Variants in C12orf50 observed in about 807,000 individuals in gnomAD.
C12orf50 encodes the protein zinc finger CCCH-type containing 11D.
Under a neutral mutation model 61.6 loss-of-function variants are expected in C12orf50, and 35 were observed. The observed-to-expected ratio is 0.57, with a 90% CI of 0.43 to 0.75. The LOEUF (loss-of-function observed/expected upper bound fraction) is 0.75. Ranked by LOEUF, C12orf50 falls within the 30% of genes least tolerant of loss-of-function variation. C12orf50 has a pLI of 0.00. For missense variants in C12orf50, 475 were observed against 488.5 expected, an observed-to-expected ratio of 0.97 and a Z score of 0.26; for synonymous variants, 178 against 161.5, an observed-to-expected ratio of 1.10 and a Z score of -0.77.
chr12:87,997,150 CA>C (rs150236879), intron 4 of C12orf50, among the ~76,000 whole-genome samples: 11,091 of 152,112 alleles, frequency 0.073, 1,312 homozygotes, highest in African/African-American at 0.25. Context: ...AACTAAAATG[CA>C]AAAGACATGG....
chr12:88,027,107 T>C, intron 1 of C12orf50, 37 bp from the exon 2 acceptor site: 1 of 1,554,790 alleles, frequency 6.4e-7, no homozygotes, highest in Non-Finnish European at 8.6e-7. Context: ...AAGCTCAATA[T>C]GTTGACATTA....
Position 87,985,908 on chromosome 12 carries a change from C to G in C12orf50, c.1068G>C (p.Thr356=). The change falls in exon 11 of 13, where the codon ACG becomes ACC. Residue 356 remains threonine (T), a synonymous_variant. Coordinates refer to ENST00000298699, the MANE Select transcript of C12orf50 (RefSeq NM_152589.3). Reference sequence around the variant, plus strand: ...CATGGACTTTATTGTAGGACCCATGCGTGGGCCTGCTGCGGGAAGGTGCAT... The same window carrying G: ...CATGGACTTTATTGTAGGACCCATGGGTGGGCCTGCTGCGGGAAGGTGCAT... ...ALNAPSRSRP[T]HGSYNKVHAN... is the part of the protein sequence containing the mutation. 6.2e-7 allele frequency: 1 copy of G among 1,613,718 alleles called. No individual in the cohort carries two copies.
At chr12:87,996,236 A>G (rs891284263) in intron 6 of C12orf50, 138 bp downstream of exon 6, 2 of 668,664 alleles carry the variant, frequency 3.0e-6, no homozygotes, top group South Asian at 1.9e-5. Context: ...GTCATCCAAT[A>G]CAAACACTTT....
At chr12:87,993,787 CA>C (rs1188602361) in intron 7 of C12orf50, among the ~76,000 whole-genome samples, 1 of 152,172 alleles carries the variant, frequency 6.6e-6, no homozygotes, top group Non-Finnish European at 1.5e-5. Flanking sequence ...AATTTTCAGT[CA>C]AAGGACAGAT....
At chr12:87,995,054 AT>A (rs1477787331) in intron 6 of C12orf50, among the ~76,000 whole-genome samples, 1 of 152,122 alleles carries the variant, frequency 6.6e-6, no homozygotes, top group Non-Finnish European at 1.5e-5. Flanking sequence ...GAATTTTGTA[AT>A]ATTACTTTTG....
At chr12:88,007,607 G>T (rs959965433) in intron 3 of C12orf50, among the ~76,000 whole-genome samples, 2 of 152,180 alleles carry the variant, frequency 1.3e-5, no homozygotes, top group Non-Finnish European at 2.9e-5. Flanking sequence ...GGCAAAAAGG[G>T]CCAAGCCCTG....
At chr12:88,026,721 A>G in intron 2 of C12orf50, 113 bp from the exon 3 acceptor site, 5 of 1,405,588 alleles carry the variant, frequency 3.6e-6, no homozygotes, top group Non-Finnish European at 4.8e-6. Flanking sequence ...TAACTGATTT[A>G]GGATCATGTG....
chr12:88,021,275 T>C (rs2032506515), intron 3 of C12orf50, among the ~76,000 whole-genome samples: 1 of 144,222 alleles, frequency 6.9e-6, no homozygotes, highest in Non-Finnish European at 1.5e-5. Flanking sequence ...ATAAGAAAGA[T>C]AGACTGCTAC....
intron 11 of C12orf50, 141 bp downstream of exon 11, chr12:87,985,709 C>A: frequency 1.3e-6 from 1 of 775,692 alleles, no homozygotes; most frequent in Non-Finnish European, 2.2e-6. Context: ...GGAAGAAATC[C>A]TCTCACTAGT....
intron 3 of C12orf50, among the ~76,000 whole-genome samples, chr12:88,005,505 T>C (rs1250028518): frequency 2.6e-5 from 4 of 152,254 alleles, no homozygotes; most frequent in African/African-American, 9.6e-5. Flanking sequence ...TTTTCATCAA[T>C]GCACTAGGGC....
chr12:88,006,393 C>T (rs2031885240), intron 3 of C12orf50, among the ~76,000 whole-genome samples: 1 of 152,136 alleles, frequency 6.6e-6, no homozygotes, highest in African/African-American at 2.4e-5. Flanking sequence ...ATGTTCTATT[C>T]CAAATAAATT....
chr12:87,994,708 A>G lies in C12orf50; in HGVS notation c.517T>C (p.Tyr173His). The change falls in exon 7 of 13, where the codon TAT becomes CAT. Residue 173 changes from tyrosine (Y) to histidine (H), a missense_variant. By Grantham distance (83) the Tyr-to-His change is moderately conservative. Coordinates refer to ENST00000298699, the MANE Select transcript of C12orf50 (RefSeq NM_152589.3). ...SLTVPTKLSQ[Y>H]ERQGEIKTSL... The stretch of plus-strand genomic sequence containing the variant: ...GTTTTTATTTCACCTTGCCTTTCAT[A>G]TTGGCTAAGTTTTGTCGGAACTGTA... 1 of 1,613,258 alleles carries G rather than the reference A, an allele frequency of 6.2e-7. No homozygotes were observed.
chr12:88,029,144 C>T, intron 1 of C12orf50, 196 bp downstream of exon 1: 1 of 1,247,576 alleles, frequency 8.0e-7, no homozygotes, highest in Non-Finnish European at 1.0e-6. Flanking sequence ...GCTGCTAATC[C>T]AATGGTTTTT....
chr12:88,025,357 T>G (rs367546019), intron 3 of C12orf50, among the ~76,000 whole-genome samples: 13 of 152,242 alleles, frequency 8.5e-5, no homozygotes, highest in African/African-American at 3.1e-4. Context: ...GAAGTTCTCT[T>G]CTTATTAAAA....
Position 88,026,627 on chromosome 12 carries a change from G to T in C12orf50, c.13-19C>A, listed in dbSNP as rs540358445. 1 of 1,610,768 alleles carries T rather than the reference G, an allele frequency of 6.2e-7. No homozygotes were observed. Reference sequence around the variant, plus strand: ...AGTTTTGCTAGATAAAAGGAGATTGGGGGAAATGTAATGATTAGATGCCAT... The same window carrying T: ...AGTTTTGCTAGATAAAAGGAGATTGTGGGAAATGTAATGATTAGATGCCAT... On this transcript the variant is annotated intron_variant, in intron 2 of 12. Transcript: ENST00000298699.
intron 3 of C12orf50, among the ~76,000 whole-genome samples, chr12:88,020,581 A>G (rs577319325): frequency 1.3e-5 from 2 of 152,196 alleles, no homozygotes; most frequent in Non-Finnish European, 2.9e-5. Context: ...TTCCCATACC[A>G]TAATAGTGGG....
At chr12:87,984,833 C>T (rs561366353) in intron 11 of C12orf50, 1 of 152,194 alleles carries the variant, frequency 6.6e-6, no homozygotes, top group East Asian at 1.9e-4. Flanking sequence ...TTCTAGTACT[C>T]ATTGTATTCT....
intron 3 of C12orf50, among the ~76,000 whole-genome samples, chr12:88,025,738 C>CAAAAAAAAAAAAAAAAAAAAAAAA (rs2032680337): frequency 1.3e-5 from 2 of 151,834 alleles, no homozygotes; most frequent in African/African-American, 2.4e-5. Context: ...GACTCCGTCT[C>CAAAAAAAAAAAAAAAAAAAAAAAA]AAAAAACAAA....
At chr12:87,987,480 T>C (rs2030883632) in intron 9 of C12orf50, among the ~76,000 whole-genome samples, 1 of 152,124 alleles carries the variant, frequency 6.6e-6, no homozygotes, top group South Asian at 2.1e-4. Context: ...AGTAGCTCAC[T>C]GAACCGAATG....
Sources: allele counts gnomAD v4.1 joint callset (sites outside exome capture counted in the v4.1 genomes callset), GRCh38; gene constraint gnomAD v4.1.1; transcripts MANE v1.5; gene names NCBI Gene and HGNC (gene_info 2026-07-23, HGNC 2026-07-21).